The following MINDY3 variants were observed in gnomAD, a reference collection of about 807,000 sequenced individuals.
MINDY3 encodes the protein ubiquitin carboxyl-terminal hydrolase MINDY-3.
In MINDY3, 38 loss-of-function variants were observed where a neutral mutation model predicts 69.2. The ratio of observed to expected loss-of-function variants is 0.55; its 90% confidence interval spans 0.42 to 0.72. MINDY3 has a LOEUF of 0.72. Among genes scored for constraint, MINDY3 ranks in the 30% least tolerant of loss-of-function variants. The pLI is 0.00. For synonymous variants in MINDY3, 192 were observed against 180.1 expected (o/e 1.07, Z -0.53); for missense variants, 522 against 519.0 (o/e 1.01, Z -0.06).
chr10:15,833,167 T>A lies in MINDY3; in HGVS notation c.730+463A>T, dbSNP rs530773309. ...TTGAGACCAGAAATGGAAGTGGTAG[T>A]GGAAGAGTTGGTAATTTAAAAGTCT... On this transcript the variant is annotated intron_variant, in intron 8 of 14. Transcript: ENST00000277632. 1.3e-5 allele frequency among the ~76,000 whole-genome samples: 2 copies of A among 152,260 alleles called. 1 individual carries two copies. The highest frequency in any genetic ancestry group is 4.1e-4 in the South Asian group (2 of 4,824).
chr10:15,796,989 C>T (rs1313766266), intron 10 of MINDY3, among the ~76,000 whole-genome samples: 3 of 152,050 alleles, frequency 2.0e-5, no homozygotes, highest in South Asian at 2.1e-4. Flanking sequence ...CTCAGACAAA[C>T]GTCATCAGAG....
At position 15,831,738 on chromosome 10, in the gene MINDY3, T is replaced by C. The variant is rs560002014; in HGVS notation, c.730+1892A>G. Among the ~76,000 whole-genome samples, 221 of 149,840 alleles carry C rather than the reference T, an allele frequency of 1.5e-3. 2 individuals are homozygous for C. Among genetic ancestry groups the C allele is most frequent in the African/African-American group, 5.2e-3 (210 of 40,366 alleles). The stretch of plus-strand genomic sequence containing the variant: ...TTGCTCAGGCTGGAGTGCCGTGGCA[T>C]GATCTCAGCTCACTGCAACCTCCGC... On this transcript the variant is annotated intron_variant, in intron 8 of 14. Transcript: ENST00000277632.
At chr10:15,799,834 T>C (rs1376036684) in intron 10 of MINDY3, among the ~76,000 whole-genome samples, 3 of 152,166 alleles carry the variant, frequency 2.0e-5, no homozygotes, top group East Asian at 1.9e-4. Context: ...CATGGAGTTA[T>C]CTTAATACTT....
chr10:15,820,433 C>T lies in MINDY3; in HGVS notation c.801+1223G>A, dbSNP rs529252474. ...TAGCCTCATACAAGACGCAGGCATG[C>T]GTGCACATCCCACTTGCCCCACCCC... On this transcript the variant is annotated intron_variant, in intron 9 of 14. Transcript: ENST00000277632. Among the ~76,000 whole-genome samples the T allele has an allele frequency of 3.3e-5, 5 of 152,282 alleles. No homozygotes were observed. In the South Asian group the frequency reaches 1.0e-3, roughly 32 times the overall value.
rs543812137 is a variant in MINDY3 at position 15,819,088 on chromosome 10, G to T, written c.802-2173C>A. ...GTGTGTGTTGAGAGGGAGAGTGCAG[G>T]AGGGAGAAAGAGATTATTTCATCAC... On this transcript the variant is annotated intron_variant, in intron 9 of 14. Coordinates refer to ENST00000277632, the MANE Select transcript of MINDY3 (RefSeq NM_024948.4). 6.6e-5 allele frequency among the ~76,000 whole-genome samples: 10 copies of T among 152,242 alleles called. No homozygotes were observed. The South Asian group carries it at 2.1e-3, about 32-fold the overall frequency.
chr10:15,806,153 TA>T (rs989428335), intron 10 of MINDY3, among the ~76,000 whole-genome samples: 5 of 152,074 alleles, frequency 3.3e-5, no homozygotes, highest in African/African-American at 1.2e-4. Context: ...CAAAGGGGAT[TA>T]AAACCTAATA....
chr10:15,825,963 A>G (rs979840163), intron 8 of MINDY3, among the ~76,000 whole-genome samples: 2 of 152,172 alleles, frequency 1.3e-5, no homozygotes, highest in African/African-American at 4.8e-5. Flanking sequence ...AAAAATAATC[A>G]TCAAATAAGC....
At chr10:15,835,363 T>C (rs1281241209) in intron 6 of MINDY3, among the ~76,000 whole-genome samples, 1 of 152,130 alleles carries the variant, frequency 6.6e-6, no homozygotes, top group Admixed American at 6.6e-5. Flanking sequence ...GTTTCTATCA[T>C]ATTAGAGGTC....
At position 15,782,190 on chromosome 10, in the gene MINDY3, A is replaced by G; in HGVS notation, c.1153T>C (p.Tyr385His). Reference protein sequence around the residue: ...SGPESFTVYHYNGLKQSNYNE... With the variant: ...SGPESFTVYHHNGLKQSNYNE... ...TAATTTGACTGCTTCAATCCATTGTAGTGGTAGACAGTAAAAGATTCTGGA... is the reference window on the plus strand; with the variant it reads ...TAATTTGACTGCTTCAATCCATTGTGGTGGTAGACAGTAAAAGATTCTGGA... The change falls in exon 14 of 15, where the codon TAC becomes CAC. Residue 385 changes from tyrosine to histidine, a missense_variant. Tyr to His is a moderately conservative substitution (Grantham distance 83). Transcript: ENST00000277632. 6.2e-7 allele frequency: 1 copy of G among 1,610,698 alleles called. No homozygotes were observed. The highest frequency in any genetic ancestry group is 8.5e-7 in the Non-Finnish European group (1 of 1,177,844).
intron 1 of MINDY3, among the ~76,000 whole-genome samples, chr10:15,848,646 AAAAAAAAAAAAAAAAAG>A (rs1406729200): frequency 5.9e-5 from 8 of 136,440 alleles, no homozygotes; most frequent in South Asian, 2.4e-4. Context: ...AAAAAAAAAA[AAAAAAAAAAAAAAAAAG>A]AAAGAAAAAT....
chr10:15,788,799 A>C (rs1475952789), intron 12 of MINDY3: 1 of 153,322 alleles, frequency 6.5e-6, no homozygotes, highest in Non-Finnish European at 1.5e-5. Context: ...GTTTCAGGTC[A>C]GTTAATTTAA....
intron 10 of MINDY3, among the ~76,000 whole-genome samples, chr10:15,798,728 C>G (rs543614118): frequency 6.6e-6 from 1 of 152,018 alleles, no homozygotes; most frequent in Non-Finnish European, 1.5e-5. Context: ...TGCAGTGAAC[C>G]AAGATCATGC....
At position 15,784,024 on chromosome 10, in the gene MINDY3, C is replaced by A. The variant is rs145753005; in HGVS notation, c.1117-1798G>T. On this transcript the variant is annotated intron_variant, in intron 13 of 14. Coordinates refer to ENST00000277632, the MANE Select transcript of MINDY3 (RefSeq NM_024948.4). Reference sequence around the variant, plus strand: ...AGCTACTAAAATACCTAGTGTATGACCTTAAACAATTGTCTTAAGTTCTCT... The same window carrying A: ...AGCTACTAAAATACCTAGTGTATGAACTTAAACAATTGTCTTAAGTTCTCT... 1.8e-3 allele frequency among the ~76,000 whole-genome samples: 270 copies of A among 152,256 alleles called. 1 individual carries two copies. Among genetic ancestry groups the A allele is most frequent in the African/African-American group, 5.9e-3 (247 of 41,546 alleles).
At chr10:15,820,392 T>C (rs549679345) in intron 9 of MINDY3, among the ~76,000 whole-genome samples, 22 of 152,180 alleles carry the variant, frequency 1.4e-4, no homozygotes, top group African/African-American at 5.1e-4. Flanking sequence ...TTTCCAAATA[T>C]AAAATCTCCA....
intron 3 of MINDY3, among the ~76,000 whole-genome samples, chr10:15,842,763 C>T (rs867632289): frequency 2.0e-5 from 3 of 151,786 alleles, no homozygotes; most frequent in Admixed American, 6.6e-5. Flanking sequence ...TACAGAAGCT[C>T]ATGTTACAGA....
At chr10:15,785,781 T>C (rs1360570160) in intron 13 of MINDY3, among the ~76,000 whole-genome samples, 1 of 152,200 alleles carries the variant, frequency 6.6e-6, no homozygotes, top group Non-Finnish European at 1.5e-5. Context: ...TAATTATATT[T>C]TGAAATTTTC....
intron 4 of MINDY3, among the ~76,000 whole-genome samples, chr10:15,839,239 T>C (rs909213223): frequency 2.6e-5 from 4 of 151,698 alleles, no homozygotes; most frequent in African/African-American, 4.8e-5. Flanking sequence ...CAAAGCCTAG[T>C]TGTGAGTGTT....
chr10:15,818,775 A>G (rs962475826), intron 9 of MINDY3, among the ~76,000 whole-genome samples: 3 of 152,224 alleles, frequency 2.0e-5, no homozygotes, highest in Non-Finnish European at 4.4e-5. Flanking sequence ...TATGAAATGT[A>G]CAAAAGAGGT....
At position 15,833,688 on chromosome 10, in the gene MINDY3, CAGG is replaced by C. The variant is rs757088022; in HGVS notation, c.669_671del (p.Leu225del). 4 of 1,610,302 alleles carry C rather than the reference CAGG, an allele frequency of 2.5e-6. No homozygotes were observed. The highest frequency in any genetic ancestry group is 1.3e-5 in the African/African-American group (1 of 74,914). On this transcript the variant is annotated inframe_deletion, in exon 8 of 15. Transcript: ENST00000277632. ...CATTAGAAACAGCATGTCCCGTCAG[CAGG>C]AGATTAATTAAACTTTGGCTATTAA...
Sources: allele counts gnomAD v4.1 joint callset (sites outside exome capture counted in the v4.1 genomes callset), GRCh38; gene constraint gnomAD v4.1.1; transcripts MANE v1.5; gene names NCBI Gene and HGNC (gene_info 2026-07-23, HGNC 2026-07-21).